Variants in SEMA3E observed in about 807,000 individuals in gnomAD.
SEMA3E encodes the protein semaphorin 3E.
SEMA3E carries 49 observed loss-of-function variants against 93.6 expected under a neutral mutation model. That is an observed-to-expected ratio of 0.52 (90% confidence interval 0.42 to 0.66). The LOEUF (loss-of-function observed/expected upper bound fraction) is 0.66, where lower values mean the gene tolerates loss of function less well. Ranked by LOEUF, SEMA3E falls within the 30% of genes least tolerant of loss-of-function variation. SEMA3E has a pLI of 0.00. For missense variants in SEMA3E, 906 were observed against 964.8 expected, an observed-to-expected ratio of 0.94 and a Z score of 0.81; for synonymous variants, 363 against 330.7, an observed-to-expected ratio of 1.10 and a Z score of -1.06.
intron 1 of SEMA3E, among the ~76,000 whole-genome samples, chr7:83,593,260 GTCTCTC>G (rs1186592715): frequency 2.1e-5 from 2 of 96,336 alleles, no homozygotes; most frequent in Non-Finnish European, 4.0e-5. Flanking sequence ...CTCTCTCTCT[GTCTCTC>G]TCTCTCTCTC....
At chr7:83,555,616 G>T (rs1256595116) in intron 1 of SEMA3E, among the ~76,000 whole-genome samples, 1 of 152,184 alleles carries the variant, frequency 6.6e-6, no homozygotes, top group Non-Finnish European at 1.5e-5. Flanking sequence ...CCCATCTCTT[G>T]TTACAAATCA....
At chr7:83,641,428 GTTTAA>G in intron 1 of SEMA3E, 1 of 981,654 alleles carries the variant, frequency 1.0e-6, no homozygotes, top group South Asian at 4.7e-5. Flanking sequence ...ACACTGTTTA[GTTTAA>G]CTTTAGGCAG....
chr7:83,509,179 C>T (rs1790763449), intron 1 of SEMA3E, among the ~76,000 whole-genome samples: 1 of 152,062 alleles, frequency 6.6e-6, no homozygotes, highest in Non-Finnish European at 1.5e-5. Context: ...AAAAACTTTG[C>T]TTTGTCTTAA....
chr7:83,639,036 G>T (rs376397645), intron 1 of SEMA3E, among the ~76,000 whole-genome samples: 1,884 of 144,608 alleles, frequency 0.013, 39 homozygotes, highest in African/African-American at 0.045. Flanking sequence ...GCGTGAACCC[G>T]GGAGGCGGAG....
At chr7:83,402,604 G>T (rs1788252177) in intron 10 of SEMA3E, 28 bp downstream of exon 10, 7 of 1,591,566 alleles carry the variant, frequency 4.4e-6, no homozygotes, top group South Asian at 1.1e-5. Context: ...TTAAAAATAA[G>T]AATTATTTGT....
chr7:83,542,797 G>A (rs941579565), intron 1 of SEMA3E, among the ~76,000 whole-genome samples: 9 of 152,104 alleles, frequency 5.9e-5, no homozygotes, highest in Non-Finnish European at 2.9e-5. Context: ...GGTTTAGGTA[G>A]TAATTTATCT....
chr7:83,531,856 G>A (rs1334445623), intron 1 of SEMA3E, among the ~76,000 whole-genome samples: 1 of 152,080 alleles, frequency 6.6e-6, no homozygotes, highest in African/African-American at 2.4e-5. Context: ...AGATTTGTAT[G>A]TTTTCTCTGA....
intron 4 of SEMA3E, among the ~76,000 whole-genome samples, chr7:83,431,049 C>A (rs1022954212): frequency 1.4e-5 from 2 of 146,140 alleles, no homozygotes; most frequent in African/African-American, 5.1e-5. Flanking sequence ...TCTATTGGAA[C>A]TCTGAAATAA....
At chr7:83,570,896 A>G (rs1480497839) in intron 1 of SEMA3E, among the ~76,000 whole-genome samples, 1 of 150,316 alleles carries the variant, frequency 6.7e-6, no homozygotes, top group Admixed American at 6.6e-5. Context: ...TTAAAAAAAG[A>G]TCCTCAGAGA....
At chr7:83,480,239 G>A (rs1000200286) in intron 2 of SEMA3E, among the ~76,000 whole-genome samples, 4 of 152,066 alleles carry the variant, frequency 2.6e-5, no homozygotes, top group African/African-American at 7.2e-5. Flanking sequence ...TCAGGAGTTC[G>A]AGACCAGCCT....
intron 2 of SEMA3E, among the ~76,000 whole-genome samples, chr7:83,470,161 C>A (rs1175336828): frequency 6.6e-6 from 1 of 152,062 alleles, no homozygotes; most frequent in East Asian, 1.9e-4. Context: ...TTCCTTAAAA[C>A]TTATATTTTA....
chr7:83,589,594 A>G (rs1792711729), intron 1 of SEMA3E, among the ~76,000 whole-genome samples: 1 of 152,210 alleles, frequency 6.6e-6, no homozygotes, highest in Non-Finnish European at 1.5e-5. Context: ...TGTGAGCAAC[A>G]TTAACAATAA....
chr7:83,461,531 G>A (rs1168914027), intron 4 of SEMA3E, among the ~76,000 whole-genome samples: 2 of 152,130 alleles, frequency 1.3e-5, no homozygotes, highest in Non-Finnish European at 2.9e-5. Context: ...GCATAGTCAA[G>A]GTTAATGCTC....
At chr7:83,573,236 C>G (rs1792323452) in intron 1 of SEMA3E, among the ~76,000 whole-genome samples, 2 of 151,930 alleles carry the variant, frequency 1.3e-5, no homozygotes, top group Admixed American at 1.3e-4. Context: ...AGATAAAATA[C>G]ATAAACAGTG....
At chr7:83,448,320 T>A (rs1789278915) in intron 4 of SEMA3E, among the ~76,000 whole-genome samples, 1 of 152,164 alleles carries the variant, frequency 6.6e-6, no homozygotes, top group African/African-American at 2.4e-5. Context: ...CCTAATATTA[T>A]CCAAATATCT....
chr7:83,627,261 T>G (rs1215574968), intron 1 of SEMA3E, among the ~76,000 whole-genome samples: 1 of 152,304 alleles, frequency 6.6e-6, no homozygotes, highest in African/African-American at 2.4e-5. Context: ...ATATCCTTGT[T>G]AATTTTCTGT....
At chr7:83,383,012 G>A (rs553592150) in intron 16 of SEMA3E, among the ~76,000 whole-genome samples, 1 of 151,980 alleles carries the variant, frequency 6.6e-6, no homozygotes, top group African/African-American at 2.4e-5. Context: ...AATCTGAACA[G>A]GCAGACATTA....
intron 1 of SEMA3E, among the ~76,000 whole-genome samples, chr7:83,543,812 C>A (rs1450248693): frequency 1.3e-5 from 2 of 152,026 alleles, no homozygotes; most frequent in Non-Finnish European, 2.9e-5. Flanking sequence ...AGAACATACT[C>A]CCATTTTGCT....
In SEMA3E at chr7:83,632,911, C is replaced by T. The variant is rs368037881; in HGVS notation, c.115+15517G>A. ...CAAATTCAAAATGATAAACATGTGA[C>T]CACCTATCTGGAAGCCATGGACATG... On this transcript the variant is annotated intron_variant, in intron 1 of 16. Transcript: ENST00000643230. Among the ~76,000 whole-genome samples the T allele has an allele frequency of 4.3e-4, 66 of 152,224 alleles. No homozygotes were observed. In the South Asian group the frequency reaches 0.013, roughly 31 times the overall value.
Sources: gnomAD v4.1 joint callset for allele counts (sites outside exome capture counted in the v4.1 genomes callset) on GRCh38, gnomAD v4.1.1 for gene constraint, MANE v1.5 for transcripts, NCBI Gene and HGNC (gene_info 2026-07-23, HGNC 2026-07-21) for gene names.